The following DPYD variants were observed in gnomAD, a reference collection of about 807,000 sequenced individuals.
DPYD encodes the protein dihydropyrimidine dehydrogenase, also known as dihydropyrimidine dehydrogenase [NADP(+)].
In DPYD, 109 loss-of-function variants were observed where a neutral mutation model predicts 116.2. The ratio of observed to expected loss-of-function variants is 0.94; its 90% CI spans 0.80 to 1.10. The LOEUF is 1.10. DPYD is among the 50% of genes least tolerant of loss of function. The pLI, the probability that DPYD is intolerant of heterozygous loss-of-function variation, is 0.00. For missense variants in DPYD, 1,302 were observed against 1,254.5 expected (o/e 1.04, Z -0.57); for synonymous variants, 440 against 432.0 (o/e 1.02, Z -0.23).
chr1:97,449,332 A>G (rs1243559674), intron 14 of DPYD, among the ~76,000 whole-genome samples: 5 of 152,094 alleles, frequency 3.3e-5, no homozygotes, highest in Non-Finnish European at 7.4e-5. Context: ...TAAGTTGTGT[A>G]TATTTGAAAG....
At chr1:97,631,064 T>C (rs1657228570) in intron 8 of DPYD, among the ~76,000 whole-genome samples, 1 of 152,118 alleles carries the variant, frequency 6.6e-6, no homozygotes, top group African/African-American at 2.4e-5. Flanking sequence ...AACAGGCTTC[T>C]GAGAGCAAGC....
At chr1:97,345,295 T>C (rs12094181) in intron 16 of DPYD, among the ~76,000 whole-genome samples, 1,746 of 152,054 alleles carry the variant, frequency 0.011, 41 homozygotes, top group African/African-American at 0.04. Flanking sequence ...ATTTTTGGTG[T>C]ATATTCTGAC....
intron 8 of DPYD, among the ~76,000 whole-genome samples, chr1:97,667,633 T>C (rs2100885696): frequency 6.6e-6 from 1 of 152,238 alleles, no homozygotes. Context: ...TAAAATGGTG[T>C]AGCTACTTTG....
chr1:97,323,908 G>C (rs1668569759), intron 16 of DPYD, among the ~76,000 whole-genome samples: 1 of 151,812 alleles, frequency 6.6e-6, no homozygotes, highest in Admixed American at 6.6e-5. Context: ...TCTTTGAAAA[G>C]AGGGTCTTAC....
chr1:97,908,305 C>T (rs959629444), intron 1 of DPYD, among the ~76,000 whole-genome samples: 4 of 151,948 alleles, frequency 2.6e-5, no homozygotes, highest in Non-Finnish European at 4.4e-5. Context: ...CTTGGCCTCC[C>T]AAAGTGCTGG....
intron 13 of DPYD, among the ~76,000 whole-genome samples, chr1:97,478,273 G>C (rs373178700): frequency 6.6e-6 from 1 of 151,914 alleles, no homozygotes; most frequent in Non-Finnish European, 1.5e-5. Flanking sequence ...TAGATTTAGC[G>C]TAATTCTTTT....
chr1:97,893,677 A>G (rs1043981580), intron 1 of DPYD, among the ~76,000 whole-genome samples: 6 of 151,468 alleles, frequency 4.0e-5, no homozygotes, highest in African/African-American at 1.5e-4. Context: ...TATTTGATTC[A>G]TTTCTACTGA....
intron 5 of DPYD, among the ~76,000 whole-genome samples, chr1:97,701,066 A>G (rs1015560224): frequency 1.3e-5 from 2 of 150,722 alleles, no homozygotes; most frequent in African/African-American, 4.8e-5. Context: ...TAAAATTCCA[A>G]TTAAAAGACA....
At chr1:97,508,861 T>C (rs746726829) in intron 13 of DPYD, among the ~76,000 whole-genome samples, 53 of 151,892 alleles carry the variant, frequency 3.5e-4, no homozygotes, top group Admixed American at 2.2e-3. Context: ...CAATGAAAAT[T>C]ATATTGTGCA....
chr1:97,203,517 T>C (rs1430317624), intron 19 of DPYD, among the ~76,000 whole-genome samples: 2 of 151,006 alleles, frequency 1.3e-5, no homozygotes, highest in African/African-American at 2.4e-5. Context: ...TTGGGAGATA[T>C]ACCTAATGCT....
At chr1:97,357,771 G>A (rs1334582280) in intron 16 of DPYD, among the ~76,000 whole-genome samples, 1 of 152,126 alleles carries the variant, frequency 6.6e-6, no homozygotes, top group African/African-American at 2.4e-5. Flanking sequence ...TCCTGCTTAT[G>A]AGTGAGAATA....
At chr1:97,361,067 TAAA>T (rs1416414437) in intron 16 of DPYD, among the ~76,000 whole-genome samples, 13 of 151,556 alleles carry the variant, frequency 8.6e-5, no homozygotes, top group African/African-American at 1.2e-4. Context: ...GCAAGACTAA[TAAA>T]GAAGAAGAGA....
intron 13 of DPYD, among the ~76,000 whole-genome samples, chr1:97,491,889 G>A (rs185446117): frequency 2.0e-5 from 3 of 152,102 alleles, no homozygotes; most frequent in Admixed American, 6.6e-5. Flanking sequence ...ACCAACTTCC[G>A]GGGTAGCACT....
At chr1:97,283,803 T>C (rs1039633730) in intron 18 of DPYD, among the ~76,000 whole-genome samples, 2 of 152,156 alleles carry the variant, frequency 1.3e-5, no homozygotes, top group Non-Finnish European at 2.9e-5. Flanking sequence ...AATGCTGGTG[T>C]ATAGGAAAGC....
chr1:97,637,324 C>G (rs1657625256), intron 8 of DPYD, among the ~76,000 whole-genome samples: 1 of 152,094 alleles, frequency 6.6e-6, no homozygotes, highest in Admixed American at 6.6e-5. Context: ...TCCCCCACTC[C>G]CCTACTAAGT....
chr1:97,615,438 T>C (rs1236224550), intron 8 of DPYD, among the ~76,000 whole-genome samples: 2 of 152,110 alleles, frequency 1.3e-5, no homozygotes, highest in Admixed American at 6.6e-5. Flanking sequence ...GACAAAATAA[T>C]TGGTAAGTAC....
chr1:97,278,892 TCTTA>T (rs1215951554), intron 18 of DPYD, among the ~76,000 whole-genome samples: 1 of 151,788 alleles, frequency 6.6e-6, no homozygotes, highest in East Asian at 1.9e-4. Context: ...TATATTACAC[TCTTA>T]CTAAGACAAT....
rs55652347 is a variant in DPYD at position 97,373,298 on chromosome 1, C to T, written c.2058+263G>A. On this transcript the variant is annotated intron_variant, in intron 16 of 22. Transcript: ENST00000370192. ...GAAATCAGCTAATTCTGCTTCAGCG[C>T]TTTTAAAAACTATTTGTTATGATAT... is the stretch of plus-strand genomic sequence containing the variant. Among the ~76,000 whole-genome samples, 16,060 of 152,238 alleles carry T rather than the reference C, an allele frequency of 0.11. 1,101 individuals carry two copies. Among genetic ancestry groups the T allele is most frequent in the South Asian group, 0.26 (1,265 of 4,814 alleles).
At chr1:97,203,421 A>G (rs1207602044) in intron 19 of DPYD, among the ~76,000 whole-genome samples, 2 of 148,712 alleles carry the variant, frequency 1.3e-5, no homozygotes, top group Non-Finnish European at 3.0e-5. Flanking sequence ...AGGAGAAGTC[A>G]TAATGCCTAG....
Sources: gnomAD v4.1 joint callset for allele counts (sites outside exome capture counted in the v4.1 genomes callset) on GRCh38, gnomAD v4.1.1 for gene constraint, MANE v1.5 for transcripts, NCBI Gene and HGNC (gene_info 2026-07-23, HGNC 2026-07-21) for gene names.